Variants in PER3 observed in about 807,000 individuals in gnomAD.
PER3 encodes the protein period circadian protein homolog 3.
Under a neutral mutation model 127.2 loss-of-function variants are expected in PER3, and 107 were observed. That is an observed-to-expected ratio of 0.84 (90% CI 0.72 to 0.99). The LOEUF (loss-of-function observed/expected upper bound fraction) is 0.99, where lower values mean the gene tolerates loss of function less well. Among genes scored for constraint, PER3 ranks in the 50% least tolerant of loss-of-function variants. The probability of loss-of-function intolerance (pLI) is 0.00; values close to 1 mark genes in which losing one functional copy is unlikely to be tolerated. For synonymous variants in PER3, 618 were observed against 585.8 expected (o/e 1.05, Z -0.79); for missense variants, 1,560 against 1,525.8 (o/e 1.02, Z -0.37).
intron 13 of PER3, among the ~76,000 whole-genome samples, chr1:7,816,953 C>A (rs1171226640): frequency 2.0e-5 from 3 of 152,192 alleles, no homozygotes; most frequent in Non-Finnish European, 1.5e-5. Context: ...TATGTGTATC[C>A]ACACAGTGAA....
At chr1:7,816,998 T>C (rs2097254524) in intron 13 of PER3, among the ~76,000 whole-genome samples, 1 of 152,330 alleles carries the variant, frequency 6.6e-6, no homozygotes, top group East Asian at 1.9e-4. Context: ...TGAACTTGAT[T>C]CACAGACCAT....
chr1:7,827,613 T>C lies in PER3; in HGVS notation c.2684T>C (p.Met895Thr), dbSNP rs752735325. Residue 895 changes from methionine to threonine, a missense_variant, in exon 18 of 22, where the codon ATG (methionine) becomes ACG (threonine). Physicochemically the swap from Met to Thr is moderately conservative, Grantham distance 81. Coordinates refer to ENST00000377532, the MANE Select transcript of PER3 (RefSeq NM_001377275.1). ...SAISPSMSSA[M>T]SPTLDPPPSV... ...ATATCACCCTCAATGTCGTCAGCAA[T>C]GAGTCCAACTCTGGACCCACCCCCT... 4 of 1,614,156 alleles carry C rather than the reference T, an allele frequency of 2.5e-6. No homozygotes were observed. The South Asian group carries it at 4.4e-5, about 18-fold the overall frequency.
chr1:7,841,536 C>T (rs1242020138), intron 21 of PER3, among the ~76,000 whole-genome samples: 1 of 152,110 alleles, frequency 6.6e-6, no homozygotes, highest in East Asian at 1.9e-4. Flanking sequence ...CAGGCAACCA[C>T]AGCTTACCGT....
In PER3 at chr1:7,784,838, G is replaced by T. The variant is rs2150393527; in HGVS notation, c.-40G>T. 1 of 1,422,236 alleles carries T rather than the reference G, an allele frequency of 7.0e-7. No homozygotes were observed. The highest frequency in any genetic ancestry group is 2.9e-5 in the East Asian group (1 of 34,876). 88.1% of individuals were successfully genotyped at this position (1,422,236 alleles called of 1,614,324 possible). ...AAAGTGAGCGAGAAGCAGGCTGCGG[G>T]CCGTCCCAGCACGACGTGGAGCCCC... On this transcript the variant is annotated 5_prime_UTR_variant, in exon 2 of 22. Transcript: ENST00000377532.
intron 8 of PER3, 61 bp downstream of exon 8, chr1:7,801,252 A>G: frequency 1.1e-6 from 1 of 905,196 alleles, no homozygotes. Context: ...AATGTGAAGA[A>G]GATTACATTA....
chr1:7,827,405 G>A lies in PER3; in HGVS notation c.2476G>A (p.Gly826Arg). Residue 826 changes from glycine (G) to arginine (R), a missense_variant, in exon 18 of 22, where the codon GGA (glycine) becomes AGA (arginine). Gly to Arg is a moderately radical substitution (Grantham distance 125). Coordinates refer to ENST00000377532, the MANE Select transcript of PER3 (RefSeq NM_001377275.1). ...TSPGREYAAP[G>R]TAPEGLHGLP... ...ACCCGGAAGAGAATACGCAGCCCCC[G>A]GAACTGCACCGGAAGGCCTGCATGG... is the stretch of plus-strand genomic sequence containing the variant. 5 of 1,614,138 alleles carry A rather than the reference G, an allele frequency of 3.1e-6. No homozygotes were observed. Among genetic ancestry groups the A allele is most frequent in the South Asian group, 1.1e-5 (1 of 91,086 alleles).
At chr1:7,839,621 A>T (rs2097374793) in intron 21 of PER3, among the ~76,000 whole-genome samples, 1 of 152,084 alleles carries the variant, frequency 6.6e-6, no homozygotes, top group South Asian at 2.1e-4. Flanking sequence ...TTTGTCTGGG[A>T]ATGTCTTCAC....
chr1:7,817,731 A>G (rs182487366), intron 13 of PER3, among the ~76,000 whole-genome samples: 10 of 152,316 alleles, frequency 6.6e-5, no homozygotes, highest in African/African-American at 2.4e-4. Context: ...AGTATATTAT[A>G]CCAAATAAAG....
intron 7 of PER3, among the ~76,000 whole-genome samples, 187 bp downstream of exon 7, chr1:7,798,860 C>G (rs1262031085): frequency 6.6e-6 from 1 of 152,228 alleles, no homozygotes; most frequent in Non-Finnish European, 1.5e-5. Flanking sequence ...CTTGTACAGT[C>G]ATTGTCTTCA....
At chr1:7,805,651 G>A (rs1431256054) in intron 10 of PER3, among the ~76,000 whole-genome samples, 2 of 152,208 alleles carry the variant, frequency 1.3e-5, no homozygotes, top group Non-Finnish European at 2.9e-5. Context: ...CCCCAAGTAC[G>A]GAAACCTATT....
intron 13 of PER3, among the ~76,000 whole-genome samples, chr1:7,815,848 C>G (rs1380186834): frequency 6.6e-6 from 1 of 151,118 alleles, no homozygotes; most frequent in African/African-American, 2.4e-5. Flanking sequence ...AAAAAATTAG[C>G]CAGGCATAGT....
chr1:7,802,083 A>G (rs1352009032), intron 8 of PER3, among the ~76,000 whole-genome samples: 2 of 152,188 alleles, frequency 1.3e-5, no homozygotes, highest in African/African-American at 4.8e-5. Context: ...AATAGCTTAA[A>G]TCTCTTGTAT....
intron 16 of PER3, among the ~76,000 whole-genome samples, chr1:7,825,539 T>C (rs939116434): frequency 1.3e-5 from 2 of 152,162 alleles, no homozygotes; most frequent in Non-Finnish European, 2.9e-5. Flanking sequence ...CGTATGTGCC[T>C]TTGGGTAAAG....
In PER3 at chr1:7,842,590, A is replaced by G. The variant is rs534722148; in HGVS notation, c.3550-82A>G. 2.0e-6 allele frequency: 3 copies of G among 1,485,754 alleles called. No individual in the cohort carries two copies. In the African/African-American group the frequency reaches 4.1e-5, roughly 21 times the overall value. The allele number at this position is 1,485,754 out of a possible 1,614,324, so 92.0% of individuals were successfully genotyped here. A position where few individuals can be genotyped will look rare whatever the true frequency, so the allele number is the denominator to read the frequency against. On this transcript the variant is annotated intron_variant, in intron 21 of 21. Coordinates refer to ENST00000377532, the MANE Select transcript of PER3 (RefSeq NM_001377275.1). ...ATGAATAAGTTGGGGATTTAGAAACATGTGACCAGCCTTTTACTGTTTTAA... is the reference window on the plus strand; with the variant it reads ...ATGAATAAGTTGGGGATTTAGAAACGTGTGACCAGCCTTTTACTGTTTTAA...
chr1:7,798,465 G>A, intron 6 of PER3, 60 bp from the exon 7 acceptor site: 2 of 1,328,720 alleles, frequency 1.5e-6, no homozygotes, highest in African/African-American at 3.0e-5. Context: ...TCCCAGCCTT[G>A]TTTCGCCATG....
At chr1:7,829,406 C>T (rs1309785169) in intron 18 of PER3, among the ~76,000 whole-genome samples, 1 of 152,196 alleles carries the variant, frequency 6.6e-6, no homozygotes, top group East Asian at 1.9e-4. Flanking sequence ...TTGAGAACTT[C>T]CACCTTTTCA....
intron 21 of PER3, 28 bp from the exon 22 acceptor site, chr1:7,842,644 A>G: frequency 6.2e-7 from 1 of 1,612,204 alleles, no homozygotes; most frequent in Non-Finnish European, 8.5e-7. Context: ...GACATCAAGT[A>G]ACTCGCCTGC....
At chr1:7,833,666 G>T (rs751264438) in intron 19 of PER3, among the ~76,000 whole-genome samples, 7 of 152,026 alleles carry the variant, frequency 4.6e-5, no homozygotes, top group Non-Finnish European at 8.8e-5. Context: ...ATATAGTTGG[G>T]TATTGCTTTT....
chr1:7,843,911 T>A lies in PER3; in HGVS notation c.*1156T>A. On this transcript the variant is annotated 3_prime_UTR_variant, in exon 22 of 22. Coordinates refer to ENST00000377532, the MANE Select transcript of PER3 (RefSeq NM_001377275.1). ...TGGTGCTTTTTAGAGAAGTCCCTGA[T>A]TCCTTCTTAAACTTGGAATGATAGA... 1.6e-6 allele frequency: 2 copies of A among 1,276,800 alleles called. No homozygotes were observed. The highest frequency in any genetic ancestry group is 2.0e-6 in the Non-Finnish European group (2 of 979,548). The allele number at this position is 1,276,800 out of a possible 1,614,324, so 79.1% of individuals were successfully genotyped here. A position where few individuals can be genotyped will look rare whatever the true frequency, so the allele number is the denominator to read the frequency against.
Sources: allele counts gnomAD v4.1 joint callset (sites outside exome capture counted in the v4.1 genomes callset), GRCh38; gene constraint gnomAD v4.1.1; transcripts MANE v1.5; gene names NCBI Gene and HGNC (gene_info 2026-07-23, HGNC 2026-07-21).